Variants in DPP6 observed in about 807,000 individuals in gnomAD.
DPP6 encodes the protein A-type potassium channel modulatory protein DPP6.
A neutral mutation model predicts 122.6 loss-of-function variants in DPP6; 69 were observed. The ratio of observed to expected loss-of-function variants is 0.56; its 90% CI spans 0.46 to 0.69. The LOEUF is 0.69. DPP6 is among the 30% of genes least tolerant of loss of function. DPP6 has a pLI of 0.00. For synonymous variants in DPP6, 418 were observed against 433.1 expected (o/e 0.97, Z 0.43); for missense variants, 928 against 1,116.9 (o/e 0.83, Z 2.41).
chr7:154,733,315 A>T (rs534346989), intron 8 of DPP6, among the ~76,000 whole-genome samples: 3 of 152,262 alleles, frequency 2.0e-5, no homozygotes, highest in African/African-American at 7.2e-5. Flanking sequence ...TACAAGGAGC[A>T]GAGCCTTTCC....
At chr7:154,870,027 T>A (rs925024827) in intron 18 of DPP6, among the ~76,000 whole-genome samples, 2 of 151,902 alleles carry the variant, frequency 1.3e-5, no homozygotes, top group African/African-American at 4.8e-5. Flanking sequence ...TCCCCCAGGC[T>A]AGAATGCAGT....
chr7:153,996,494 AT>A, intron 1 of DPP6, among the ~76,000 whole-genome samples: 1 of 151,630 alleles, frequency 6.6e-6, no homozygotes, highest in East Asian at 1.9e-4. Context: ...TGTCTGTCCA[AT>A]TCCCCCAAAA....
intron 23 of DPP6, 51 bp downstream of exon 23, chr7:154,887,785 A>G (rs926522085): frequency 6.2e-7 from 1 of 1,605,294 alleles, no homozygotes. Flanking sequence ...AGCCTCTGCC[A>G]CAGTCTCCCA....
At chr7:154,207,845 C>T (rs1483604151) in intron 1 of DPP6, among the ~76,000 whole-genome samples, 1 of 151,966 alleles carries the variant, frequency 6.6e-6, no homozygotes, top group East Asian at 1.9e-4. Context: ...ATCCCAGCTA[C>T]TCGAGAGGCT....
At chr7:154,785,089 G>A (rs1261068714) in intron 10 of DPP6, among the ~76,000 whole-genome samples, 6 of 152,156 alleles carry the variant, frequency 3.9e-5, no homozygotes, top group Non-Finnish European at 8.8e-5. Flanking sequence ...TCATTCAGAG[G>A]CACTGAAATA....
At chr7:153,899,121 TCTC>T (rs769272870) in intron 1 of DPP6, among the ~76,000 whole-genome samples, 4 of 151,752 alleles carry the variant, frequency 2.6e-5, no homozygotes, top group African/African-American at 7.2e-5. Flanking sequence ...CTTCACTCTC[TCTC>T]CTCCTCCTCC....
chr7:153,840,098 G>A, the DPP6 span, among the ~76,000 whole-genome samples: 1 of 152,024 alleles, frequency 6.6e-6, no homozygotes, highest in Non-Finnish European at 1.5e-5. Flanking sequence ...TTTGTACAAG[G>A]GGCAACATTT....
the DPP6 span, among the ~76,000 whole-genome samples, chr7:153,857,322 T>TTCTCTCTCTCTCTCTCTC: frequency 0.019 from 2,312 of 124,326 alleles, 109 homozygotes; most frequent in Non-Finnish European, 0.02. Context: ...CTCAAAGGTT[T>TTCTCTCTCTCTCTCTCTC]TCTCTCTCTC....
chr7:154,166,112 C>T (rs921269158), intron 1 of DPP6, among the ~76,000 whole-genome samples: 4 of 152,128 alleles, frequency 2.6e-5, no homozygotes, highest in Non-Finnish European at 5.9e-5. Context: ...GGGATGTGGA[C>T]CCTTCTTCCT....
chr7:154,792,819 A>C (rs1797767847), intron 10 of DPP6, among the ~76,000 whole-genome samples: 1 of 152,218 alleles, frequency 6.6e-6, no homozygotes, highest in African/African-American at 2.4e-5. Flanking sequence ...TCACCACCCC[A>C]GTCCTCAGGA....
rs1819167192 is a variant in DPP6 at position 154,439,330 on chromosome 7, A to G, written c.244-6884A>G. On this transcript the variant is annotated intron_variant, in intron 1 of 25. Coordinates refer to ENST00000377770, the MANE Select transcript of DPP6 (RefSeq NM_130797.4). ...GCAAGGTGAAAGATACAAATGCTCA[A>G]TTTTAAATTCTGCAGCTTACTTCAT... is the stretch of plus-strand genomic sequence containing the variant. 2.0e-5 allele frequency among the ~76,000 whole-genome samples: 3 copies of G among 152,324 alleles called. No individual in the cohort carries two copies. The South Asian group carries it at 6.2e-4, about 32-fold the overall frequency.
At chr7:154,510,312 A>G (rs1230411754) in intron 3 of DPP6, among the ~76,000 whole-genome samples, 1 of 152,184 alleles carries the variant, frequency 6.6e-6, no homozygotes, top group African/African-American at 2.4e-5. Flanking sequence ...GATGATCTTG[A>G]CTTTAAGAAA....
At chr7:154,141,539 A>T (rs1335586202) in intron 1 of DPP6, among the ~76,000 whole-genome samples, 1 of 152,228 alleles carries the variant, frequency 6.6e-6, no homozygotes, top group Non-Finnish European at 1.5e-5. Flanking sequence ...TAATCAGTTA[A>T]TCAGCCAGTC....
At chr7:154,798,232 G>A (rs534459092) in intron 12 of DPP6, among the ~76,000 whole-genome samples, 4 of 152,324 alleles carry the variant, frequency 2.6e-5, no homozygotes, top group Admixed American at 6.5e-5. Flanking sequence ...ATGGGGGGCC[G>A]TGGTTCTGTC....
At chr7:154,652,708 G>C (rs547811750) in intron 6 of DPP6, among the ~76,000 whole-genome samples, 7 of 152,156 alleles carry the variant, frequency 4.6e-5, no homozygotes, top group African/African-American at 1.7e-4. Flanking sequence ...TCAGAGTGCA[G>C]CTCATTGAGA....
At chr7:153,784,978 A>G in the DPP6 span, among the ~76,000 whole-genome samples, 1 of 152,226 alleles carries the variant, frequency 6.6e-6, no homozygotes, top group Non-Finnish European at 1.5e-5. Flanking sequence ...TGGGGCGAGA[A>G]TGCAGTTATA....
chr7:153,907,344 GT>G (rs1326520413), intron 1 of DPP6, among the ~76,000 whole-genome samples: 2 of 152,202 alleles, frequency 1.3e-5, no homozygotes, highest in African/African-American at 4.8e-5. Flanking sequence ...GGATTGTTCA[GT>G]TTTGGATGCC....
At chr7:154,148,803 C>T (rs1298553182) in intron 1 of DPP6, among the ~76,000 whole-genome samples, 10 of 152,226 alleles carry the variant, frequency 6.6e-5, no homozygotes, top group African/African-American at 2.4e-4. Flanking sequence ...TAGCTGTTCT[C>T]ACGCCTGCTG....
intron 1 of DPP6, among the ~76,000 whole-genome samples, chr7:154,436,329 C>G (rs1353223794): frequency 6.6e-6 from 1 of 151,730 alleles, no homozygotes; most frequent in Non-Finnish European, 1.5e-5. Context: ...TCACCACCTC[C>G]TTCCTGTATA....
Sources: allele counts gnomAD v4.1 joint callset (sites outside exome capture counted in the v4.1 genomes callset), GRCh38; gene constraint gnomAD v4.1.1; transcripts MANE v1.5; gene names NCBI Gene and HGNC (gene_info 2026-07-23, HGNC 2026-07-21).